MAGI2: variants seen among roughly 807,000 people sequenced by gnomAD.
MAGI2 encodes the protein membrane-associated guanylate kinase, WW and PDZ domain-containing protein 2.
A neutral mutation model predicts 133.3 loss-of-function variants in MAGI2; 35 were observed. That is an observed-to-expected ratio of 0.26 (90% confidence interval 0.20 to 0.35). The LOEUF is 0.35. Ranked by LOEUF, MAGI2 falls within the 10% of genes least tolerant of loss-of-function variation. MAGI2 has a pLI of 1.00. For synonymous variants in MAGI2, 729 were observed against 710.6 expected (o/e 1.03, Z -0.41); for missense variants, 1,636 against 1,863.4 (o/e 0.88, Z 2.25).
chr7:79,443,260 T>G (rs926808311), intron 1 of MAGI2, among the ~76,000 whole-genome samples: 3 of 140,456 alleles, frequency 2.1e-5, no homozygotes, highest in Non-Finnish European at 4.6e-5. Flanking sequence ...CCTTAGTGTT[T>G]GAAGTGTGTG....
chr7:78,678,568 A>G (rs558150355), intron 2 of MAGI2, among the ~76,000 whole-genome samples: 1 of 152,220 alleles, frequency 6.6e-6, no homozygotes, highest in South Asian at 2.1e-4. Context: ...ATGGTCATTT[A>G]ATTCCTTTAG....
intron 2 of MAGI2, among the ~76,000 whole-genome samples, chr7:78,832,916 C>A (rs1344498733): frequency 6.6e-6 from 1 of 152,088 alleles, no homozygotes; most frequent in Non-Finnish European, 1.5e-5. Flanking sequence ...TGGAATGTGA[C>A]CCTTGTGGAG....
intron 2 of MAGI2, among the ~76,000 whole-genome samples, chr7:78,637,418 C>T (rs748590799): frequency 3.6e-4 from 52 of 145,334 alleles, no homozygotes; most frequent in Non-Finnish European, 6.1e-4. Context: ...AGCAGTGATA[C>T]ATGATAATAT....
chr7:78,622,468 G>T (rs1302748690), intron 3 of MAGI2, among the ~76,000 whole-genome samples: 1 of 152,006 alleles, frequency 6.6e-6, no homozygotes, highest in Non-Finnish European at 1.5e-5. Flanking sequence ...TTTTATTAAA[G>T]GAACCATTAA....
chr7:78,997,952 C>T (rs1422215503), intron 2 of MAGI2, among the ~76,000 whole-genome samples: 1 of 152,168 alleles, frequency 6.6e-6, no homozygotes, highest in Non-Finnish European at 1.5e-5. Context: ...TATGTCACAT[C>T]TCAACTCATT....
At chr7:78,642,687 AT>A (rs1197502501) in intron 2 of MAGI2, among the ~76,000 whole-genome samples, 1 of 152,232 alleles carries the variant, frequency 6.6e-6, no homozygotes, top group Non-Finnish European at 1.5e-5. Context: ...ACTAATACTT[AT>A]TGAGCTCTGA....
intron 2 of MAGI2, among the ~76,000 whole-genome samples, chr7:78,706,292 G>T (rs1251154617): frequency 6.6e-6 from 1 of 151,956 alleles, no homozygotes; most frequent in African/African-American, 2.4e-5. Context: ...GATCCGAAAA[G>T]TTTATCAGGG....
intron 20 of MAGI2, among the ~76,000 whole-genome samples, chr7:78,109,044 C>G (rs1043339430): frequency 6.6e-6 from 1 of 151,770 alleles, no homozygotes; most frequent in Non-Finnish European, 1.5e-5. Flanking sequence ...GTGGCTCATG[C>G]CTGTAATCCC....
At chr7:78,916,712 A>G (rs1457811887) in intron 2 of MAGI2, among the ~76,000 whole-genome samples, 1 of 152,118 alleles carries the variant, frequency 6.6e-6, no homozygotes, top group African/African-American at 2.4e-5. Flanking sequence ...GGAGAACTGT[A>G]TGTCATTCTT....
At chr7:78,075,180 C>T (rs1003881438) in intron 21 of MAGI2, among the ~76,000 whole-genome samples, 5 of 152,066 alleles carry the variant, frequency 3.3e-5, no homozygotes, top group South Asian at 2.1e-4. Flanking sequence ...CACTGAGTCT[C>T]CAGGGAATTT....
chr7:78,545,122 T>C (rs996360115), intron 3 of MAGI2, among the ~76,000 whole-genome samples: 14 of 151,928 alleles, frequency 9.2e-5, no homozygotes, highest in African/African-American at 3.4e-4. Context: ...ATGTAGGTTT[T>C]ATCAATAGAA....
intron 1 of MAGI2, among the ~76,000 whole-genome samples, chr7:79,118,627 T>C (rs1372725165): frequency 6.6e-6 from 1 of 152,198 alleles, no homozygotes; most frequent in African/African-American, 2.4e-5. Flanking sequence ...CAGCTGTTTA[T>C]ATAACATTCC....
chr7:78,972,992 T>C (rs1803919751), intron 2 of MAGI2, among the ~76,000 whole-genome samples: 1 of 151,440 alleles, frequency 6.6e-6, no homozygotes, highest in Non-Finnish European at 1.5e-5. Flanking sequence ...TTTAAACAAA[T>C]CTGGGCTATA....
intron 6 of MAGI2, among the ~76,000 whole-genome samples, chr7:78,459,405 C>T (rs1444232481): frequency 6.6e-6 from 1 of 152,090 alleles, no homozygotes; most frequent in Non-Finnish European, 1.5e-5. Context: ...TTAGTTACAT[C>T]TATGAGGGCT....
At chr7:78,120,837 T>TA (rs1820379612) in intron 20 of MAGI2, among the ~76,000 whole-genome samples, 1 of 149,988 alleles carries the variant, frequency 6.7e-6, no homozygotes, top group African/African-American at 2.5e-5. Context: ...CCGTCTCTAC[T>TA]AAAAATACAA....
At chr7:78,748,029 TATCA>T (rs1823089442) in intron 2 of MAGI2, among the ~76,000 whole-genome samples, 1 of 152,220 alleles carries the variant, frequency 6.6e-6, no homozygotes, top group African/African-American at 2.4e-5. Flanking sequence ...AGCATAATTC[TATCA>T]GAGTTATAAT....
At chr7:78,417,242 A>C (rs933908109) in intron 6 of MAGI2, among the ~76,000 whole-genome samples, 2 of 152,082 alleles carry the variant, frequency 1.3e-5, no homozygotes, top group Non-Finnish European at 2.9e-5. Flanking sequence ...AAGCAAATTA[A>C]ATAAAGACTC....
At chr7:78,065,778 T>C (rs1052974162) in intron 21 of MAGI2, 2 of 454,534 alleles carry the variant, frequency 4.4e-6, no homozygotes, top group Admixed American at 7.8e-5. Context: ...AGCAGTTGAA[T>C]AAAAATTATC....
At chr7:78,843,896 C>T (rs948188531) in intron 2 of MAGI2, among the ~76,000 whole-genome samples, 5 of 150,410 alleles carry the variant, frequency 3.3e-5, no homozygotes, top group African/African-American at 1.2e-4. Flanking sequence ...GTAAAAAATG[C>T]AGATTTTGAG....
Sources: gnomAD v4.1 joint callset for allele counts (sites outside exome capture counted in the v4.1 genomes callset) on GRCh38, gnomAD v4.1.1 for gene constraint, MANE v1.5 for transcripts, NCBI Gene and HGNC (gene_info 2026-07-23, HGNC 2026-07-21) for gene names.